The following CEP112 variants were observed in gnomAD, a reference collection of about 807,000 sequenced individuals.
CEP112 encodes centrosomal protein of 112 kDa.
A neutral mutation model predicts 153.0 loss-of-function variants in CEP112; 127 were observed. The observed-to-expected ratio is 0.83, with a 90% CI of 0.72 to 0.96. CEP112 has a LOEUF of 0.96. Ranked by LOEUF, CEP112 falls within the 40% of genes least tolerant of loss-of-function variation. The pLI is 0.00. For synonymous variants in CEP112, 358 were observed against 374.4 expected, an observed-to-expected ratio of 0.96 and a Z score of 0.51; for missense variants, 1,089 against 1,101.2, an observed-to-expected ratio of 0.99 and a Z score of 0.16.
At chr17:65,992,945 CTT>C (rs2063649367) in intron 17 of CEP112, among the ~76,000 whole-genome samples, 1 of 28,912 alleles carries the variant, frequency 3.5e-5, no homozygotes, top group African/African-American at 3.0e-4. Flanking sequence ...TTTATTTTTA[CTT>C]TTAAGTTCGA....
intron 21 of CEP112, chr17:65,826,347 A>T: frequency 6.2e-7 from 1 of 1,609,688 alleles, no homozygotes; most frequent in South Asian, 1.1e-5. Flanking sequence ...GAGAGCCCTC[A>T]GTGCAGGCTG....
intron 20 of CEP112, among the ~76,000 whole-genome samples, chr17:65,891,847 G>A (rs1044481979): frequency 6.6e-6 from 1 of 152,142 alleles, no homozygotes; most frequent in Non-Finnish European, 1.5e-5. Context: ...ACCAATTGTT[G>A]CCTCAGTCTG....
intron 19 of CEP112, among the ~76,000 whole-genome samples, chr17:65,923,904 T>C (rs2060823365): frequency 6.6e-6 from 1 of 152,234 alleles, no homozygotes; most frequent in South Asian, 2.1e-4. Context: ...GAAATCTGCA[T>C]ATGTTGGCAC....
At chr17:65,640,887 G>T in intron 25 of CEP112, 77 bp downstream of exon 25, 1 of 804,062 alleles carries the variant, frequency 1.2e-6, no homozygotes, top group Admixed American at 2.0e-5. Flanking sequence ...GCAACAATTT[G>T]GAATCAGATT....
Position 66,149,331 on chromosome 17 carries a change from A to C in CEP112, c.471-16568T>G, listed in dbSNP as rs563759438. ...CCACATTTGTCTAGTTTTAGTATCA[A>C]CTTAATGCTGGCCTCACGTGATAAA... is the stretch of plus-strand genomic sequence containing the variant. On this transcript the variant is annotated intron_variant, in intron 4 of 26. Coordinates refer to ENST00000535342, the MANE Select transcript of CEP112 (RefSeq NM_001199165.4). Among the ~76,000 whole-genome samples the C allele has an allele frequency of 4.1e-4, 63 of 152,320 alleles. 1 individual carries two copies. The highest frequency in any genetic ancestry group is 1.4e-3 in the African/African-American group (59 of 41,584).
intron 21 of CEP112, among the ~76,000 whole-genome samples, chr17:65,821,511 TA>T (rs1568066804): frequency 8.3e-4 from 87 of 105,150 alleles, no homozygotes; most frequent in Non-Finnish European, 1.0e-3. Context: ...TATATATATA[TA>T]ATTATATATA....
chr17:66,188,406 C>CG (rs1487832200), intron 1 of CEP112, among the ~76,000 whole-genome samples: 19 of 141,210 alleles, frequency 1.3e-4, no homozygotes, highest in African/African-American at 4.2e-4. Flanking sequence ...AACCCCCCCC[C>CG]ACCCCCGAGC....
intron 18 of CEP112, among the ~76,000 whole-genome samples, chr17:65,959,446 G>T (rs2062118610): frequency 6.6e-6 from 1 of 152,160 alleles, no homozygotes; most frequent in Non-Finnish European, 1.5e-5. Context: ...AAGAACTCAG[G>T]ACCTGTCGAA....
At chr17:66,186,953 T>C in intron 1 of CEP112, among the ~76,000 whole-genome samples, 1 of 152,154 alleles carries the variant, frequency 6.6e-6, no homozygotes, top group East Asian at 1.9e-4. Flanking sequence ...GAGAAAACAC[T>C]CTTCCACCTC....
At chr17:65,805,071 A>C (rs1256922669) in intron 21 of CEP112, among the ~76,000 whole-genome samples, 4 of 151,664 alleles carry the variant, frequency 2.6e-5, no homozygotes, top group Admixed American at 2.6e-4. Context: ...CTGGTCTCAG[A>C]CTCCTGAGCT....
chr17:65,649,089 C>A (rs1055666177), intron 24 of CEP112, among the ~76,000 whole-genome samples: 1,532 of 100,628 alleles, frequency 0.015, 21 homozygotes, highest in African/African-American at 0.041. Flanking sequence ...CACACACACA[C>A]ACACACACAC....
intron 24 of CEP112, among the ~76,000 whole-genome samples, chr17:65,658,051 A>C (rs1335302442): frequency 1.3e-5 from 2 of 152,368 alleles, no homozygotes; most frequent in Middle Eastern, 3.4e-3. Flanking sequence ...CAGATACTGT[A>C]TTAAGCAATT....
chr17:65,760,684 G>A (rs893403111), intron 21 of CEP112, among the ~76,000 whole-genome samples: 1 of 151,994 alleles, frequency 6.6e-6, no homozygotes, highest in Non-Finnish European at 1.5e-5. Flanking sequence ...TTATGTTAAT[G>A]GAATATAATG....
At chr17:65,818,178 A>AGTGAAG (rs1443592700) in intron 21 of CEP112, among the ~76,000 whole-genome samples, 1 of 151,896 alleles carries the variant, frequency 6.6e-6, no homozygotes, top group Non-Finnish European at 1.5e-5. Context: ...TGTGACTTAC[A>AGTGAAG]GTGAAGGAAG....
chr17:65,801,223 T>C (rs919732112), intron 21 of CEP112, among the ~76,000 whole-genome samples: 2 of 152,092 alleles, frequency 1.3e-5, no homozygotes, highest in African/African-American at 4.8e-5. Flanking sequence ...TACATCTGGA[T>C]AATATTTCTA....
chr17:65,883,042 G>A (rs1410708586), intron 20 of CEP112, among the ~76,000 whole-genome samples: 1 of 152,060 alleles, frequency 6.6e-6, no homozygotes, highest in Non-Finnish European at 1.5e-5. Context: ...AACCTTTTAG[G>A]CATAGGGTAT....
intron 16 of CEP112, 100 bp downstream of exon 16, chr17:66,027,401 G>T: frequency 9.2e-7 from 1 of 1,086,500 alleles, no homozygotes; most frequent in Non-Finnish European, 1.2e-6. Context: ...GAAACAAGTT[G>T]TTCTTTAAAG....
chr17:65,788,634 T>C (rs562045922), intron 21 of CEP112, among the ~76,000 whole-genome samples: 274 of 152,178 alleles, frequency 1.8e-3, no homozygotes, highest in Non-Finnish European at 2.6e-3. Flanking sequence ...TAAAAATGTT[T>C]CCATCTTATC....
intron 23 of CEP112, among the ~76,000 whole-genome samples, chr17:65,738,022 A>C (rs1235924555): frequency 6.6e-6 from 1 of 152,234 alleles, no homozygotes; most frequent in African/African-American, 2.4e-5. Flanking sequence ...ACATAGGAAG[A>C]AAATGTGAAC....
Sources: gnomAD v4.1 joint callset for allele counts (sites outside exome capture counted in the v4.1 genomes callset) on GRCh38, gnomAD v4.1.1 for gene constraint, MANE v1.5 for transcripts, NCBI Gene and HGNC (gene_info 2026-07-23, HGNC 2026-07-21) for gene names.